Variants in ISM1 observed in about 807,000 individuals in gnomAD.
ISM1 encodes isthmin-1.
A neutral mutation model predicts 46.3 loss-of-function variants in ISM1; 25 were observed. The ratio of observed to expected loss-of-function variants is 0.54; its 90% CI spans 0.39 to 0.75. The LOEUF (loss-of-function observed/expected upper bound fraction) is 0.75, where lower values mean the gene tolerates loss of function less well. ISM1 is among the 30% of genes least tolerant of loss of function. The probability of loss-of-function intolerance (pLI) is 0.00; values close to 1 mark genes in which losing one functional copy is unlikely to be tolerated. For synonymous variants in ISM1, 255 were observed against 256.7 expected (o/e 0.99, Z 0.06); for missense variants, 536 against 625.4 (o/e 0.86, Z 1.52).
At chr20:13,262,976 C>G (rs539853732) in intron 1 of ISM1, among the ~76,000 whole-genome samples, 6 of 152,204 alleles carry the variant, frequency 3.9e-5, no homozygotes, top group Non-Finnish European at 7.3e-5. Flanking sequence ...ACAGCAGGCT[C>G]CATTCCCAAA....
At chr20:13,253,229 G>T (rs8120724) in intron 1 of ISM1, among the ~76,000 whole-genome samples, 2 of 152,032 alleles carry the variant, frequency 1.3e-5, no homozygotes, top group Admixed American at 1.3e-4. Flanking sequence ...CTCACCCTGC[G>T]TGTTGATCTC....
At position 13,280,873 on chromosome 20, in the gene ISM1, T is replaced by C. The variant is rs557344476; in HGVS notation, c.643+975T>C. Among the ~76,000 whole-genome samples the C allele has an allele frequency of 9.2e-5, 14 of 152,322 alleles. No individual in the cohort carries two copies. In the South Asian group the frequency reaches 2.7e-3, roughly 29 times the overall value. On this transcript the variant is annotated intron_variant, in intron 3 of 5. Coordinates refer to ENST00000262487, the MANE Select transcript of ISM1 (RefSeq NM_080826.2). ...TTGTGGGGAATCAGGCAGTTTGTTA[T>C]AAGGATATTTAATGTCTTACAAATG...
intron 2 of ISM1, 101 bp from the exon 3 acceptor site, chr20:13,279,533 A>C: frequency 8.6e-7 from 1 of 1,157,678 alleles, no homozygotes; most frequent in African/African-American, 1.6e-5. Context: ...CAACGGATGC[A>C]TCCATCATTT....
rs911571992 is a variant in ISM1, at chr20:13,221,552, T to TGCGGCGGCG, written c.-209_-201dup. Among the ~76,000 whole-genome samples the TGCGGCGGCG allele has an allele frequency of 3.5e-4, 50 of 141,508 alleles. 2 individuals are homozygous for TGCGGCGGCG. Among genetic ancestry groups the TGCGGCGGCG allele is most frequent in the Admixed American group, 2.7e-3 (39 of 14,396 alleles). The allele number at this position is 141,508 out of a possible 152,430, so 92.8% of individuals were successfully genotyped here. A position where few individuals can be genotyped will look rare whatever the true frequency, so the allele number is the denominator to read the frequency against. ...CGGCCTCGCGGTGGCTCCGCCGTGG[T>TGCGGCGGCG]GCGGCGGCGGCGGCGGCGGCGGCGC... On this transcript the variant is annotated 5_prime_UTR_variant, in exon 1 of 6. Transcript: ENST00000262487.
At chr20:13,295,360 AAACTG>A (rs1393178889) in intron 5 of ISM1, among the ~76,000 whole-genome samples, 1 of 152,222 alleles carries the variant, frequency 6.6e-6, no homozygotes, top group Admixed American at 6.5e-5. Context: ...GAACCAGCCT[AAACTG>A]AACAAGATTG....
intron 1 of ISM1, among the ~76,000 whole-genome samples, chr20:13,229,128 TTCTTC>T (rs944087346): frequency 1.1e-4 from 17 of 148,506 alleles, no homozygotes; most frequent in Admixed American, 2.0e-4. Context: ...TTCCTTATCT[TTCTTC>T]TCTTCTCTCT....
chr20:13,301,696 AT>A (rs995070491), downstream of ISM1, among the ~76,000 whole-genome samples: 2 of 151,866 alleles, frequency 1.3e-5, no homozygotes, highest in Admixed American at 6.6e-5. Flanking sequence ...TAATGAGGAA[AT>A]TTTTTTTGCA....
In ISM1 at chr20:13,221,642, G is replaced by A. The variant is rs1282050697; in HGVS notation, c.-135G>A. The A allele has an allele frequency of 2.9e-6, 2 of 696,440 alleles. No individual in the cohort carries two copies. Among genetic ancestry groups the A allele is most frequent in the East Asian group, 4.9e-5 (1 of 20,328 alleles). 43.1% of individuals were successfully genotyped at this position (696,440 alleles called of 1,614,324 possible). ...GCCCAGCGCCAGCCCCGCGGGCCCGGGAAGCGGAGCCCTGGCGGGAGCCGA... is the reference window on the plus strand; with the variant it reads ...GCCCAGCGCCAGCCCCGCGGGCCCGAGAAGCGGAGCCCTGGCGGGAGCCGA... On this transcript the variant is annotated 5_prime_UTR_variant, in exon 1 of 6. Transcript: ENST00000262487.
At chr20:13,325,361 G>A in the ISM1 span, among the ~76,000 whole-genome samples, 3 of 152,158 alleles carry the variant, frequency 2.0e-5, no homozygotes, top group Non-Finnish European at 2.9e-5. Flanking sequence ...TATTTGTTTC[G>A]AACTCCTGCA....
At chr20:13,253,741 T>A (rs572747561) in intron 1 of ISM1, among the ~76,000 whole-genome samples, 1 of 152,208 alleles carries the variant, frequency 6.6e-6, no homozygotes, top group South Asian at 2.1e-4. Flanking sequence ...ATGAATTAAA[T>A]TAATAACTCA....
chr20:13,323,591 T>C, the ISM1 span, among the ~76,000 whole-genome samples: 1 of 152,200 alleles, frequency 6.6e-6, no homozygotes, highest in East Asian at 1.9e-4. Flanking sequence ...AGGCAACATA[T>C]AGTATCTCAT....
chr20:13,243,653 T>TA (rs34230787), intron 1 of ISM1, among the ~76,000 whole-genome samples: 37,477 of 151,232 alleles, frequency 0.25, 4,698 homozygotes, highest in African/African-American at 0.3. Flanking sequence ...AAGCTATGAA[T>TA]AAAAAAAAAT....
At chr20:13,303,066 C>T (rs549279229), downstream of ISM1, among the ~76,000 whole-genome samples, 16 of 152,270 alleles carry the variant, frequency 1.1e-4, no homozygotes, top group East Asian at 7.7e-4. Flanking sequence ...CACAGGAGAC[C>T]GGCATTATTA....
rs1216550576 is a variant in ISM1, at chr20:13,270,609, C to T, written c.244C>T (p.Pro82Ser). 7 of 1,613,872 alleles carry T rather than the reference C, an allele frequency of 4.3e-6. No homozygotes were observed. In the Admixed American group the frequency reaches 1.2e-4, roughly 27 times the overall value. ...CCACCAGGCTGCACACCAACCCTTC[C>T]CCAGACCGCGATTCCGACAAGAGAC... Reference protein sequence around the residue: ...LDHQAAHQPFPRPRFRQETGH... With the variant: ...LDHQAAHQPFSRPRFRQETGH... The change falls in exon 2 of 6, where the codon CCC becomes TCC. Residue 82 changes from proline (P) to serine (S), a missense_variant. Physicochemically the swap from Pro to Ser is moderately conservative, Grantham distance 74. Around this residue, in one of 2 missense-constraint regions of ISM1, gnomAD observed 367 missense variants for 376.1 expected, o/e 0.98. Transcript: ENST00000262487.
At chr20:13,287,261 A>C (rs2040304279) in intron 3 of ISM1, among the ~76,000 whole-genome samples, 1 of 152,186 alleles carries the variant, frequency 6.6e-6, no homozygotes, top group Non-Finnish European at 1.5e-5. Context: ...GAGCAAAGGG[A>C]CATCTTACAT....
intron 1 of ISM1, among the ~76,000 whole-genome samples, chr20:13,264,015 G>A (rs2040017132): frequency 6.6e-6 from 1 of 152,062 alleles, no homozygotes; most frequent in South Asian, 2.1e-4. Context: ...GGGGTAATGA[G>A]GCCTGTAGCC....
chr20:13,247,083 A>G (rs895772479), intron 1 of ISM1, among the ~76,000 whole-genome samples: 1 of 152,042 alleles, frequency 6.6e-6, no homozygotes, highest in African/African-American at 2.4e-5. Context: ...TGAAAATACA[A>G]AGCCAGGTGT....
chr20:13,294,946 T>C (rs1022924801), intron 5 of ISM1, among the ~76,000 whole-genome samples: 1 of 152,178 alleles, frequency 6.6e-6, no homozygotes, highest in Non-Finnish European at 1.5e-5. Context: ...CTGTTTAGCA[T>C]GCGATCCCAC....
At chr20:13,271,766 C>G (rs897358968) in intron 2 of ISM1, among the ~76,000 whole-genome samples, 4 of 152,176 alleles carry the variant, frequency 2.6e-5, no homozygotes, top group Non-Finnish European at 5.9e-5. Context: ...AACTCTCGTC[C>G]TCATATGCCT....
Sources: allele counts gnomAD v4.1 joint callset (sites outside exome capture counted in the v4.1 genomes callset), GRCh38; gene constraint gnomAD v4.1.1; regional missense constraint gnomAD v4.1.1; transcripts MANE v1.5; gene names NCBI Gene and HGNC (gene_info 2026-07-23, HGNC 2026-07-21).